The following CELSR1 variants were observed in gnomAD, a reference collection of about 807,000 sequenced individuals.
CELSR1 encodes adhesion G protein-coupled receptor C1.
Under a neutral mutation model 249.1 loss-of-function variants are expected in CELSR1, and 110 were observed. The ratio of observed to expected loss-of-function variants is 0.44; its 90% CI spans 0.38 to 0.52. The LOEUF (loss-of-function observed/expected upper bound fraction) is 0.52, where lower values mean the gene tolerates loss of function less well. Ranked by LOEUF, CELSR1 falls within the 20% of genes least tolerant of loss-of-function variation. CELSR1 has a pLI of 0.00. For synonymous variants in CELSR1, 2,113 were observed against 1,900.0 expected, an observed-to-expected ratio of 1.11 and a Z score of -2.92; for missense variants, 4,109 against 4,296.4, an observed-to-expected ratio of 0.96 and a Z score of 1.22.
intron 20 of CELSR1, among the ~76,000 whole-genome samples, chr22:46,383,090 G>T (rs1281448067): frequency 6.6e-6 from 1 of 152,134 alleles, no homozygotes; most frequent in African/African-American, 2.4e-5. Context: ...CCCAGGAATG[G>T]CTTGGTGCCC....
chr22:46,483,997 CT>C (rs1039198562), intron 1 of CELSR1, among the ~76,000 whole-genome samples: 3 of 152,214 alleles, frequency 2.0e-5, no homozygotes, highest in African/African-American at 7.2e-5. Flanking sequence ...AGCCACATCC[CT>C]TGCCTCCAGG....
rs1194837487 is a variant in CELSR1, at chr22:46,393,357, C to T, written c.5964+785G>A. On this transcript the variant is annotated intron_variant, in intron 14 of 34. Transcript: ENST00000674500. The surrounding 1 kb of genome is among the most constrained non-coding windows in gnomAD (Gnocchi z 4.1). ...CGTGCTGCATGCAGGTTAGGACTGA[C>T]CGCCCTGGACAGGCGTGGGGCATAA... Among the ~76,000 whole-genome samples, 1 of 152,226 alleles carries T rather than the reference C, an allele frequency of 6.6e-6. No individual in the cohort carries two copies. The highest frequency in any genetic ancestry group is 2.1e-4 in the South Asian group (1 of 4,836).
intron 19 of CELSR1, among the ~76,000 whole-genome samples, chr22:46,385,848 T>C (rs181590998): frequency 4.2e-4 from 64 of 152,088 alleles, no homozygotes; most frequent in African/African-American, 1.4e-3. Flanking sequence ...CGGCTACTTT[T>C]TTGTATTTTT....
chr22:46,509,017 G>A (rs888780396), intron 1 of CELSR1, among the ~76,000 whole-genome samples: 11 of 152,278 alleles, frequency 7.2e-5, no homozygotes, highest in Middle Eastern at 6.8e-3. Context: ...ACAGGCCAGC[G>A]CTCAGCCATT....
At chr22:46,431,777 G>C (rs536344988) in intron 5 of CELSR1, among the ~76,000 whole-genome samples, 5 of 152,312 alleles carry the variant, frequency 3.3e-5, no homozygotes, top group Admixed American at 6.5e-5. Flanking sequence ...GAAAAGACTC[G>C]GTCTTTGAAA....
Position 46,378,598 on chromosome 22 carries a change from C to G in CELSR1, c.7376G>C (p.Arg2459Thr). Residue 2459 changes from arginine (R) to threonine (T), a missense_variant, in exon 23 of 35, where the codon AGG (arginine) becomes ACG (threonine). This residue lies in a region of CELSR1 where 1,805 missense variants were observed against 1,831.6 expected (regional missense o/e 0.99). Coordinates refer to ENST00000674500, the MANE Select transcript of CELSR1 (RefSeq NM_001378328.1). ...CCACGGGAGGATGCCCACCTCACGCCTGGAGATATCCATGAGCACCGCAAA... is the reference window on the plus strand; with the variant it reads ...CCACGGGAGGATGCCCACCTCACGCGTGGAGATATCCATGAGCACCGCAAA... ...ASFAVLMDIS[R>T]RENGEVLPLK... The G allele has an allele frequency of 6.4e-7, 1 of 1,573,734 alleles. No individual in the cohort carries two copies.
chr22:46,462,274 C>T (rs1475976682), intron 2 of CELSR1, among the ~76,000 whole-genome samples: 1 of 152,212 alleles, frequency 6.6e-6, no homozygotes, highest in African/African-American at 2.4e-5. Context: ...ACCACACTGC[C>T]TTCCTTCCAC....
chr22:46,368,136 G>C (rs2078808472), intron 27 of CELSR1, among the ~76,000 whole-genome samples: 1 of 152,208 alleles, frequency 6.6e-6, no homozygotes, highest in Non-Finnish European at 1.5e-5. Context: ...ACCAGGCCAA[G>C]GGGCCTGAGC....
rs143515650 is a variant in CELSR1 at position 46,445,769 on chromosome 22, C to T, written c.4184-6358G>A. ...GCAGCGCCTGGCTGGCAGAGCCTTT[C>T]CCGTCGATGCTTCGGAGGTGGAAGC... is the stretch of plus-strand genomic sequence containing the variant. On this transcript the variant is annotated intron_variant, in intron 2 of 34. Transcript: ENST00000674500. The surrounding 1 kb of genome is among the most constrained non-coding windows in gnomAD (Gnocchi z 4.4). 6.2e-4 allele frequency among the ~76,000 whole-genome samples: 94 copies of T among 152,312 alleles called. No homozygotes were observed. The highest frequency in any genetic ancestry group is 2.1e-3 in the African/African-American group (88 of 41,582).
intron 1 of CELSR1, among the ~76,000 whole-genome samples, chr22:46,502,284 GGGGAAGGGA>G: frequency 2.2e-5 from 3 of 137,668 alleles, no homozygotes; most frequent in African/African-American, 2.8e-5. Context: ...GGGAAGGGAA[GGGGAAGGGA>G]GGGTGGGGAG....
In CELSR1 at chr22:46,445,143, C is replaced by G. The variant is rs2079803983; in HGVS notation, c.4184-5732G>C. On this transcript the variant is annotated intron_variant, in intron 2 of 34. Coordinates refer to ENST00000674500, the MANE Select transcript of CELSR1 (RefSeq NM_001378328.1). The surrounding 1 kb of genome is among the most constrained non-coding windows in gnomAD (Gnocchi z 4.4). ...CCCAGGAGGCGGAGTTTGCAGTGAG[C>G]CAAGATCACACCACCATAGTCCAGT... 6.6e-6 allele frequency among the ~76,000 whole-genome samples: 1 copy of G among 151,992 alleles called. No individual in the cohort carries two copies. The highest frequency in any genetic ancestry group is 6.6e-5 in the Admixed American group (1 of 15,264).
In CELSR1 at chr22:46,367,048, C is replaced by G. The variant is rs1483031937; in HGVS notation, c.8150G>C (p.Gly2717Ala). The G allele has an allele frequency of 3.1e-6, 5 of 1,611,230 alleles. No homozygotes were observed. Among genetic ancestry groups the G allele is most frequent in the Admixed American group, 1.7e-5 (1 of 59,908 alleles). Reference protein sequence around the residue: ...EVRKHLKGVLGGRKLHLEDSA... With the variant: ...EVRKHLKGVLAGRKLHLEDSA... ...GTCCTCCAGGTGCAGCTTCCTCCCG[C>G]CGAGCACGCCCTTCAGGTGCTTCCG... The change falls in exon 29 of 35, where the codon GGC (glycine) becomes GCC (alanine). Residue 2717 changes from glycine to alanine, a missense_variant. Gly to Ala is a moderately conservative substitution (Grantham distance 60). This residue lies in a region of CELSR1 where 1,805 missense variants were observed against 1,831.6 expected (regional missense o/e 0.99). Transcript: ENST00000674500.
intron 1 of CELSR1, among the ~76,000 whole-genome samples, chr22:46,505,416 T>C (rs1341519289): frequency 1.3e-5 from 2 of 152,046 alleles, no homozygotes; most frequent in African/African-American, 2.4e-5. Context: ...GGAAAATTGT[T>C]TGAGCCCAGG....
rs916811456 is a variant in CELSR1 at position 46,427,366 on chromosome 22, A to G, written c.4611+6027T>C. Among the ~76,000 whole-genome samples the G allele has an allele frequency of 6.6e-6, 1 of 152,192 alleles. No homozygotes were observed. The highest frequency in any genetic ancestry group is 1.5e-5 in the Non-Finnish European group (1 of 68,034). On this transcript the variant is annotated intron_variant, in intron 5 of 34. Coordinates refer to ENST00000674500, the MANE Select transcript of CELSR1 (RefSeq NM_001378328.1). The surrounding 1 kb of genome is among the most constrained non-coding windows in gnomAD (Gnocchi z 4.2). ...ACCTGGCCAACATGGTGAAACTCCA[A>G]TCTCTACTAAAAGTACAAAAATTAA...
In CELSR1 at chr22:46,365,620, C is replaced by A. The variant is rs757230082; in HGVS notation, c.8370G>T (p.Ala2790=). The A allele has an allele frequency of 2.5e-6, 4 of 1,594,232 alleles. No individual in the cohort carries two copies. Among genetic ancestry groups the A allele is most frequent in the Non-Finnish European group, 2.6e-6 (3 of 1,171,178 alleles). ...CCTTGCAGCTCCTGGGCATGAGGGA[C>A]GCGTCTGGCTCTCCGTGGCTGCCCC... ...LVRGSHGEPD[A]SLMPRSCKDP... The change falls in exon 31 of 35, where the codon GCG becomes GCT. Residue 2790 remains alanine, a synonymous_variant. Transcript: ENST00000674500.
intron 20 of CELSR1, among the ~76,000 whole-genome samples, chr22:46,382,938 A>G (rs1297658950): frequency 6.6e-6 from 1 of 152,168 alleles, no homozygotes; most frequent in African/African-American, 2.4e-5. Flanking sequence ...TGCAGGCTGG[A>G]AAGAGTTCTG....
At chr22:46,373,618 T>C (rs1346467545) in intron 24 of CELSR1, among the ~76,000 whole-genome samples, 1 of 128,748 alleles carries the variant, frequency 7.8e-6, no homozygotes, top group African/African-American at 3.2e-5. Context: ...CCCCTCTGGG[T>C]CCCGGGAGGC....
chr22:46,440,618 C>T lies in CELSR1; in HGVS notation c.4184-1207G>A, dbSNP rs1248901499. On this transcript the variant is annotated intron_variant, in intron 2 of 34. Transcript: ENST00000674500. This position sits in a 1 kb window ranked among gnomAD's most constrained non-coding sequence, Gnocchi z 4.7. ...TCCTGTTTTATTGACAATTGACACT[C>T]TCTTTCCTAGAAGCTGCCTGAGTTT... Among the ~76,000 whole-genome samples the T allele has an allele frequency of 6.6e-6, 1 of 152,090 alleles. No homozygotes were observed. The highest frequency in any genetic ancestry group is 1.5e-5 in the Non-Finnish European group (1 of 68,038).
At chr22:46,491,340 T>C (rs1397668874) in intron 1 of CELSR1, among the ~76,000 whole-genome samples, 3 of 148,964 alleles carry the variant, frequency 2.0e-5, no homozygotes, top group African/African-American at 7.4e-5. Context: ...CTCAGCTCAC[T>C]GCAAGCTCTG....
Sources: gnomAD v4.1 joint callset for allele counts (sites outside exome capture counted in the v4.1 genomes callset) on GRCh38, gnomAD v4.1.1 for gene constraint, gnomAD v4.1.1 regional missense constraint, Gnocchi (gnomAD v3.1) non-coding constraint, MANE v1.5 for transcripts, NCBI Gene and HGNC (gene_info 2026-07-23, HGNC 2026-07-21) for gene names.